Variants in LCORL observed in about 807,000 individuals in gnomAD.
The protein encoded by LCORL is ligand dependent nuclear receptor corepressor like.
LCORL carries 41 observed loss-of-function variants against 141.8 expected under a neutral mutation model. That is an observed-to-expected ratio of 0.29 (90% CI 0.23 to 0.38). LCORL has a LOEUF of 0.38. Among genes scored for constraint, LCORL ranks in the 10% least tolerant of loss-of-function variants. LCORL has a pLI of 1.00. For synonymous variants in LCORL, 618 were observed against 694.1 expected, an observed-to-expected ratio of 0.89 and a Z score of 1.72; for missense variants, 1,759 against 2,035.0, an observed-to-expected ratio of 0.86 and a Z score of 2.61.
At chr4:17,880,359 TTCTCAGGTGA>T in intron 6 of LCORL, 1 of 702,806 alleles carries the variant, frequency 1.4e-6, no homozygotes, top group Non-Finnish European at 1.7e-6. Context: ...CTAGAATTTA[TTCTCAGGTGA>T]TTATATAAGG....
At chr4:17,879,920 T>C (rs1218728448) in intron 6 of LCORL, among the ~76,000 whole-genome samples, 1 of 151,108 alleles carries the variant, frequency 6.6e-6, no homozygotes, top group Non-Finnish European at 1.5e-5. Flanking sequence ...AAGCCAGGTA[T>C]GTGGTACAAG....
chr4:18,017,479 C>G (rs1724811990), intron 1 of LCORL, among the ~76,000 whole-genome samples: 1 of 152,074 alleles, frequency 6.6e-6, no homozygotes, highest in African/African-American at 2.4e-5. Context: ...TGGTACACAC[C>G]AACATCATGA....
chr4:17,992,125 A>G (rs1392477078), intron 1 of LCORL, among the ~76,000 whole-genome samples: 1 of 152,252 alleles, frequency 6.6e-6, no homozygotes, highest in Non-Finnish European at 1.5e-5. Flanking sequence ...TGGGTAATTT[A>G]TAAAGCAAAG....
intron 5 of LCORL, among the ~76,000 whole-genome samples, chr4:17,894,842 C>A (rs1729646520): frequency 6.6e-6 from 1 of 151,968 alleles, no homozygotes; most frequent in Non-Finnish European, 1.5e-5. Flanking sequence ...TTGTTTAGAT[C>A]CGTGTTCAAC....
chr4:17,997,068 T>C (rs1408945335), intron 1 of LCORL, among the ~76,000 whole-genome samples: 1 of 152,052 alleles, frequency 6.6e-6, no homozygotes, highest in African/African-American at 2.4e-5. Flanking sequence ...GAAATGTCTT[T>C]TTCCCCATCT....
chr4:17,987,577 G>A (rs1009756601), intron 1 of LCORL, among the ~76,000 whole-genome samples: 1 of 151,864 alleles, frequency 6.6e-6, no homozygotes, highest in Admixed American at 6.6e-5. Flanking sequence ...TAATTGCTGG[G>A]TCATATGGTA....
chr4:17,922,967 G>GC (rs746460828), intron 4 of LCORL, among the ~76,000 whole-genome samples: 15 of 151,990 alleles, frequency 9.9e-5, no homozygotes, highest in African/African-American at 2.2e-4. Context: ...AAAAGTGATG[G>GC]CCCCCCCAAG....
chr4:17,920,855 T>C (rs1734180275), intron 4 of LCORL, among the ~76,000 whole-genome samples: 2 of 152,204 alleles, frequency 1.3e-5, no homozygotes, highest in Admixed American at 1.3e-4. Flanking sequence ...ATCTTCAGGC[T>C]CTACTTCTCT....
intron 5 of LCORL, chr4:17,893,458 C>A: frequency 1.0e-6 from 1 of 985,274 alleles, no homozygotes; most frequent in East Asian, 1.1e-4. Flanking sequence ...AAACAGTTTA[C>A]AGAGGATATA....
chr4:17,902,725 T>G (rs1390035646), intron 5 of LCORL, among the ~76,000 whole-genome samples: 1 of 152,086 alleles, frequency 6.6e-6, no homozygotes, highest in Non-Finnish European at 1.5e-5. Flanking sequence ...CGGCTGAAAT[T>G]CATATATTTT....
At chr4:17,994,090 T>A (rs1720504101) in intron 1 of LCORL, among the ~76,000 whole-genome samples, 1 of 152,160 alleles carries the variant, frequency 6.6e-6, no homozygotes, top group Non-Finnish European at 1.5e-5. Flanking sequence ...AACAAATATA[T>A]CAGGAGGTAG....
intron 2 of LCORL, among the ~76,000 whole-genome samples, chr4:17,968,288 G>GT (rs1370517805): frequency 1.3e-5 from 2 of 152,106 alleles, no homozygotes; most frequent in East Asian, 1.9e-4. Context: ...AATATAATTT[G>GT]TAACTAAAAA....
intron 1 of LCORL, among the ~76,000 whole-genome samples, chr4:17,975,912 A>T (rs6449350): frequency 6.6e-6 from 1 of 151,918 alleles, no homozygotes; most frequent in Admixed American, 6.6e-5. Context: ...TGGGTCTTTT[A>T]TCTCTCATGA....
chr4:17,853,709 G>A (rs1177283970), intron 7 of LCORL, among the ~76,000 whole-genome samples: 1 of 152,050 alleles, frequency 6.6e-6, no homozygotes, highest in Non-Finnish European at 1.5e-5. Context: ...TATTACTAGA[G>A]TAAAAATTTA....
Position 18,008,406 on chromosome 4 carries a change from CT to C in LCORL, c.154+13191del, listed in dbSNP as rs199578301. Among the ~76,000 whole-genome samples, 615 of 152,294 alleles carry C rather than the reference CT, an allele frequency of 4.0e-3. 3 individuals are homozygous for C. Among genetic ancestry groups the C allele is most frequent in the Admixed American group, 0.013 (192 of 15,298 alleles). Reference sequence around the variant, plus strand: ...AAACCCAGAATACTTTTTCCCACCCCTGAAACTCAAGTTCTAAAATAAAATG... The same window carrying C: ...AAACCCAGAATACTTTTTCCCACCCCGAAACTCAAGTTCTAAAATAAAATG... On this transcript the variant is annotated intron_variant, in intron 1 of 7. Coordinates refer to ENST00000635767, the Ensembl canonical transcript of LCORL.
At chr4:17,846,250 A>AG (rs1326422972) in intron 7 of LCORL, among the ~76,000 whole-genome samples, 1 of 152,114 alleles carries the variant, frequency 6.6e-6, no homozygotes, top group East Asian at 1.9e-4. Flanking sequence ...AGCCACTTTG[A>AG]GAAAAAAAAG....
chr4:17,909,140 G>A, exon 5 of LCORL: 1 of 1,612,928 alleles, frequency 6.2e-7, no homozygotes, highest in Non-Finnish European at 8.5e-7. Context: ...TGAGGTCTAA[G>A]GGGCCTTCCT....
chr4:17,903,267 T>C (rs1256425288), intron 5 of LCORL, among the ~76,000 whole-genome samples: 1 of 151,866 alleles, frequency 6.6e-6, no homozygotes, highest in Admixed American at 6.6e-5. Flanking sequence ...CATTGAGAGG[T>C]TTACTATAAT....
intron 1 of LCORL, among the ~76,000 whole-genome samples, chr4:17,985,948 A>C (rs1718888918): frequency 6.6e-6 from 1 of 152,160 alleles, no homozygotes; most frequent in African/African-American, 2.4e-5. Flanking sequence ...CTTGTAAGGC[A>C]GGTCTGATAG....
Sources: gnomAD v4.1 joint callset for allele counts (sites outside exome capture counted in the v4.1 genomes callset) on GRCh38, gnomAD v4.1.1 for gene constraint, MANE v1.5 for transcripts, NCBI Gene and HGNC (gene_info 2026-07-23, HGNC 2026-07-21) for gene names.